GAS7: variants seen among roughly 807,000 people sequenced by gnomAD.
GAS7 encodes growth arrest specific 7.
A neutral mutation model predicts 71.1 loss-of-function variants in GAS7; 28 were observed. The ratio of observed to expected loss-of-function variants is 0.39; its 90% CI spans 0.29 to 0.54. The LOEUF is 0.54. Among genes scored for constraint, GAS7 ranks in the 20% least tolerant of loss-of-function variants. The pLI is 0.62. For synonymous variants in GAS7, 258 were observed against 245.8 expected (o/e 1.05, Z -0.46); for missense variants, 436 against 627.8 (o/e 0.69, Z 3.27).
At chr17:10,031,662 C>T (rs2072621390) in intron 1 of GAS7, among the ~76,000 whole-genome samples, 2 of 152,208 alleles carry the variant, frequency 1.3e-5, no homozygotes, top group Admixed American at 6.5e-5. Context: ...GTTGCACCTG[C>T]TGTACGAATG....
intron 1 of GAS7, among the ~76,000 whole-genome samples, chr17:10,044,758 T>C (rs867788774): frequency 2.0e-5 from 3 of 152,102 alleles, no homozygotes; most frequent in South Asian, 2.1e-4. Context: ...GGGTCAACTG[T>C]AGTTAAGAGT....
In GAS7 at chr17:10,095,954, C is replaced by T. The variant is rs192174638; in HGVS notation, c.184-76057G>A. Among the ~76,000 whole-genome samples the T allele has an allele frequency of 1.5e-3, 233 of 152,248 alleles. 1 individual carries two copies. Among genetic ancestry groups the T allele is most frequent in the Non-Finnish European group, 2.3e-3 (158 of 68,014 alleles). On this transcript the variant is annotated intron_variant, in intron 1 of 13. Transcript: ENST00000432992. ...AAGTCACTGATCCACCTTCCTGTTC[C>T]TCCTCATTCCTCAACCTGGCTGTGC...
chr17:10,008,188 G>A (rs1429158347), intron 2 of GAS7, among the ~76,000 whole-genome samples: 1 of 140,992 alleles, frequency 7.1e-6, no homozygotes, highest in African/African-American at 3.1e-5. Context: ...CCTCTGAACT[G>A]AGCATGCATG....
chr17:9,985,227 C>T (rs1056040454), intron 2 of GAS7, among the ~76,000 whole-genome samples: 1 of 152,170 alleles, frequency 6.6e-6, no homozygotes, highest in Non-Finnish European at 1.5e-5. Context: ...GACCACTCAC[C>T]CTAGAGCCCA....
chr17:10,186,147 C>T (rs1013211660), intron 1 of GAS7, among the ~76,000 whole-genome samples: 5 of 150,584 alleles, frequency 3.3e-5, no homozygotes, highest in Admixed American at 6.7e-5. Context: ...TTAATAGAGA[C>T]GGGGTTTCAC....
intron 1 of GAS7, among the ~76,000 whole-genome samples, chr17:10,035,079 A>G (rs1350654587): frequency 6.6e-6 from 1 of 151,962 alleles, no homozygotes; most frequent in Non-Finnish European, 1.5e-5. Flanking sequence ...TCTGCACCCC[A>G]CACGCCCTCT....
chr17:9,926,622 A>G lies in GAS7; in HGVS notation c.1014+19T>C. On this transcript the variant is annotated intron_variant, in intron 10 of 13. Transcript: ENST00000432992. This position sits in a 1 kb window ranked among gnomAD's most constrained non-coding sequence, Gnocchi z 5.0. The stretch of plus-strand genomic sequence containing the variant: ...GTCCCCCATGCACCTGCCCTGGCCC[A>G]GCGTCCTGGGCCTCTCACCTTCTCC... The G allele has an allele frequency of 1.2e-6, 2 of 1,611,850 alleles. No individual in the cohort carries two copies. The highest frequency in any genetic ancestry group is 1.7e-6 in the Non-Finnish European group (2 of 1,179,872).
intron 1 of GAS7, among the ~76,000 whole-genome samples, chr17:10,197,759 C>A (rs1485938941): frequency 6.6e-6 from 1 of 152,202 alleles, no homozygotes; most frequent in Non-Finnish European, 1.5e-5. Context: ...CACGACCGTC[C>A]ACGGGTCATC....
At chr17:10,118,325 A>G (rs11652587) in intron 1 of GAS7, among the ~76,000 whole-genome samples, 123,078 of 152,100 alleles carry the variant, frequency 0.81, 50,362 homozygotes, top group African/African-American at 0.93. Context: ...CCACAGGCTC[A>G]AAATCCTCAT....
At chr17:9,970,817 C>G (rs1422237866) in intron 3 of GAS7, among the ~76,000 whole-genome samples, 1 of 152,140 alleles carries the variant, frequency 6.6e-6, no homozygotes, top group East Asian at 1.9e-4. Context: ...AAAGACACTC[C>G]CAGCATGGAC....
intron 1 of GAS7, among the ~76,000 whole-genome samples, chr17:10,092,511 A>G (rs1399699981): frequency 6.6e-6 from 1 of 152,194 alleles, no homozygotes; most frequent in African/African-American, 2.4e-5. Context: ...TAAGGTTCAA[A>G]GTTATTTGTC....
chr17:10,126,019 C>A (rs866171240), intron 1 of GAS7, among the ~76,000 whole-genome samples: 2 of 152,184 alleles, frequency 1.3e-5, no homozygotes, highest in South Asian at 2.1e-4. Context: ...GAAGCCTGCG[C>A]TGATGTGTTC....
chr17:9,967,742 C>T (rs965649349), intron 4 of GAS7, among the ~76,000 whole-genome samples: 1 of 152,176 alleles, frequency 6.6e-6, no homozygotes, highest in African/African-American at 2.4e-5. Context: ...TTTTACCCAT[C>T]CCCTGTTGCA....
At chr17:9,947,564 G>A (rs980694647) in intron 5 of GAS7, among the ~76,000 whole-genome samples, 1 of 152,144 alleles carries the variant, frequency 6.6e-6, no homozygotes. Context: ...GACCAACAGG[G>A]AGAAACCCCG....
chr17:10,013,856 G>T lies in GAS7; in HGVS notation c.304+5921C>A, dbSNP rs150353616. 7.3e-3 allele frequency among the ~76,000 whole-genome samples: 1,105 copies of T among 152,138 alleles called. 10 individuals carry two copies. The highest frequency in any genetic ancestry group is 0.024 in the African/African-American group (1,006 of 41,492). ...TGACAATTCCTTCAAGGTCTCCTTG[G>T]CTGCTGCCTTACACCTGTGCTGCAA... On this transcript the variant is annotated intron_variant, in intron 2 of 13. Transcript: ENST00000432992.
chr17:10,159,074 ATATATATATATATATATATATAT>A lies in GAS7; in HGVS notation c.183+39111_183+39133del, dbSNP rs1352641691. On this transcript the variant is annotated intron_variant, in intron 1 of 13. Coordinates refer to ENST00000432992, the MANE Select transcript of GAS7 (RefSeq NM_201433.2). Reference sequence around the variant, plus strand: ...GACACTGTCTCTAAAACATATATATATATATATATATATATATATATATTAAAGATAACACACACGCACAATGT... The same window carrying A: ...GACACTGTCTCTAAAACATATATATATAAAGATAACACACACGCACAATGT... 2.5e-3 allele frequency among the ~76,000 whole-genome samples: 282 copies of A among 110,930 alleles called. 8 individuals carry two copies. Among genetic ancestry groups the A allele is most frequent in the African/African-American group, 9.6e-3 (259 of 27,072 alleles). 72.8% of individuals were successfully genotyped at this position (110,930 alleles called of 152,430 possible).
chr17:10,029,105 A>C (rs1187545934), intron 1 of GAS7, among the ~76,000 whole-genome samples: 1 of 152,238 alleles, frequency 6.6e-6, no homozygotes, highest in Non-Finnish European at 1.5e-5. Context: ...TTACACAGCA[A>C]AGATAAGGAT....
chr17:10,112,446 T>C (rs932874775), intron 1 of GAS7, among the ~76,000 whole-genome samples: 11 of 151,846 alleles, frequency 7.2e-5, no homozygotes, highest in Admixed American at 1.3e-4. Context: ...ATGTAGAAAA[T>C]GGAGTCTAGC....
intron 1 of GAS7, among the ~76,000 whole-genome samples, chr17:10,197,202 C>T (rs2074546776): frequency 6.6e-6 from 1 of 152,114 alleles, no homozygotes; most frequent in Non-Finnish European, 1.5e-5. Flanking sequence ...ACTGAGCATT[C>T]TCAGTCAAAA....
Sources: allele counts gnomAD v4.1 joint callset (sites outside exome capture counted in the v4.1 genomes callset), GRCh38; gene constraint gnomAD v4.1.1; non-coding constraint Gnocchi (gnomAD v3.1); transcripts MANE v1.5; gene names NCBI Gene and HGNC (gene_info 2026-07-23, HGNC 2026-07-21).